Variants in TENM1 observed in about 807,000 individuals in gnomAD.
The protein encoded by TENM1 is teneurin-1.
TENM1 carries 35 observed loss-of-function variants against 174.8 expected under a neutral mutation model. The observed-to-expected ratio is 0.20, with a 90% CI of 0.15 to 0.27. The LOEUF (loss-of-function observed/expected upper bound fraction) is 0.27. Among genes scored for constraint, TENM1 ranks in the 10% least tolerant of loss-of-function variants. TENM1 has a pLI of 1.00. For synonymous variants in TENM1, 781 were observed against 798.7 expected, an observed-to-expected ratio of 0.98 and a Z score of 0.37; for missense variants, 1,633 against 2,130.1, an observed-to-expected ratio of 0.77 and a Z score of 4.59.
Position 124,710,140 on chromosome X carries a change from T to G in TENM1, c.777-4889A>C, listed in dbSNP as rs185904245. 7.2e-3 allele frequency among the ~76,000 whole-genome samples: 801 copies of G among 111,203 alleles called. 5 individuals carry two copies. The highest frequency in any genetic ancestry group is 0.025 in the African/African-American group (763 of 30,541). ...ATGTCTGCTTAACTCTCCCAGACTG[T>G]TTTTTTCCCCTTTGACCATTTCATT... On this transcript the variant is annotated intron_variant, in intron 4 of 31. Transcript: ENST00000422452.
chrX:125,193,269 C>T, the TENM1 span, among the ~76,000 whole-genome samples: 2 of 112,450 alleles, frequency 1.8e-5, no homozygotes, highest in African/African-American at 3.2e-5. Flanking sequence ...TGTAATCAAA[C>T]GTGAATCAAA....
At chrX:124,588,276 G>C (rs1396332289) in intron 11 of TENM1, among the ~76,000 whole-genome samples, 1 of 111,220 alleles carries the variant, frequency 9.0e-6, no homozygotes, top group Non-Finnish European at 1.9e-5. Flanking sequence ...CAATAGCAAA[G>C]ACTTGGAACC....
chrX:124,770,274 C>T (rs948695355), intron 3 of TENM1, among the ~76,000 whole-genome samples: 7 of 111,619 alleles, frequency 6.3e-5, no homozygotes, highest in Admixed American at 9.6e-5. Flanking sequence ...TTCTCCTCCA[C>T]CCCCTGTAAC....
At chrX:124,602,266 T>C (rs2050046357) in intron 11 of TENM1, among the ~76,000 whole-genome samples, 1 of 111,110 alleles carries the variant, frequency 9.0e-6, no homozygotes, top group African/African-American at 3.3e-5. Flanking sequence ...CTACGTGAGC[T>C]GCTTAAATGT....
At chrX:125,077,409 T>A in the TENM1 span, among the ~76,000 whole-genome samples, 1 of 111,380 alleles carries the variant, frequency 9.0e-6, no homozygotes, top group African/African-American at 3.3e-5. Context: ...AGATTTTTTA[T>A]ATGAATGTAA....
chrX:125,163,279 G>A, the TENM1 span, among the ~76,000 whole-genome samples: 1 of 110,575 alleles, frequency 9.0e-6, no homozygotes, highest in Admixed American at 9.8e-5. Flanking sequence ...TAGGATCAGT[G>A]TGATTAGCTG....
chrX:124,384,669 T>C (rs1363388085), exon 30 of TENM1: 1 of 1,210,670 alleles, frequency 8.3e-7, no homozygotes, highest in Admixed American at 2.2e-5. Flanking sequence ...TTAATTACAC[T>C]GAATTTTCCA....
At chrX:124,931,258 CA>C (rs548457755) in intron 1 of TENM1, among the ~76,000 whole-genome samples, 988 of 73,862 alleles carry the variant, frequency 0.013, 4 homozygotes, top group African/African-American at 0.028. Context: ...AACACAAAAG[CA>C]AAAAAAAAAA....
intron 3 of TENM1, among the ~76,000 whole-genome samples, chrX:124,861,161 T>G (rs2056904528): frequency 8.9e-6 from 1 of 112,043 alleles, no homozygotes; most frequent in African/African-American, 3.2e-5. Flanking sequence ...TTAAAATAAT[T>G]TATGTATTGA....
the TENM1 span, among the ~76,000 whole-genome samples, chrX:125,033,988 A>T: frequency 6.3e-5 from 7 of 111,755 alleles, no homozygotes; most frequent in Admixed American, 9.5e-5. Flanking sequence ...AGGCAACATA[A>T]CCTTTTTGCA....
intron 14 of TENM1, among the ~76,000 whole-genome samples, chrX:124,551,342 G>C (rs748084598): frequency 1.8e-5 from 2 of 111,309 alleles, no homozygotes; most frequent in Non-Finnish European, 3.8e-5. Context: ...GTAGACAACC[G>C]CATGGTGGTT....
At chrX:125,202,843 A>T in the TENM1 span, among the ~76,000 whole-genome samples, 1 of 112,498 alleles carries the variant, frequency 8.9e-6, no homozygotes, top group South Asian at 3.6e-4. Context: ...CTCTAGGCAA[A>T]GCATCCTGAA....
chrX:124,656,329 A>C (rs1485560848), intron 6 of TENM1, among the ~76,000 whole-genome samples: 3 of 112,404 alleles, frequency 2.7e-5, no homozygotes, highest in Non-Finnish European at 5.6e-5. Flanking sequence ...AAAGAAAGGA[A>C]GTTGTGTTGT....
chrX:125,007,424 A>C, the TENM1 span, among the ~76,000 whole-genome samples: 12 of 111,445 alleles, frequency 1.1e-4, no homozygotes, highest in Non-Finnish European at 2.1e-4. Flanking sequence ...TATCTGAAAC[A>C]GACTGGGAGA....
At position 124,472,519 on chromosome X, in the gene TENM1, G is replaced by C. The variant is rs7060541; in HGVS notation, c.3949+9213C>G. ...CCCTGGGCTGAAGTGGCCAAAAATGGAATCAATTGTTCAATTATAAAATAA... is the reference window on the plus strand; with the variant it reads ...CCCTGGGCTGAAGTGGCCAAAAATGCAATCAATTGTTCAATTATAAAATAA... On this transcript the variant is annotated intron_variant, in intron 22 of 31. Coordinates refer to ENST00000422452, the Ensembl canonical transcript of TENM1. 9.1e-3 allele frequency among the ~76,000 whole-genome samples: 991 copies of C among 108,434 alleles called. 10 individuals are homozygous for C. The highest frequency in any genetic ancestry group is 0.031 in the African/African-American group (928 of 29,837). 94.2% of individuals were successfully genotyped at this position (108,434 alleles called of 115,157 possible). A position where few individuals can be genotyped will look rare whatever the true frequency, so the allele number is the denominator to read the frequency against.
the TENM1 span, among the ~76,000 whole-genome samples, chrX:125,184,110 G>C: frequency 8.9e-6 from 1 of 111,813 alleles, no homozygotes; most frequent in Admixed American, 9.5e-5. Context: ...CTTTCTAAAA[G>C]AGGGAAACTA....
chrX:124,588,986 G>T (rs996103403), intron 11 of TENM1, among the ~76,000 whole-genome samples: 1 of 110,893 alleles, frequency 9.0e-6, no homozygotes, highest in African/African-American at 3.3e-5. Context: ...CAGTCCTCAA[G>T]GGGAATGCTT....
chrX:124,798,951 T>G (rs928256018), intron 3 of TENM1, among the ~76,000 whole-genome samples: 89 of 112,017 alleles, frequency 7.9e-4, no homozygotes, highest in African/African-American at 2.7e-3. Flanking sequence ...AGGGAATCCT[T>G]ACCCCATTGC....
At chrX:125,192,534 T>C in the TENM1 span, among the ~76,000 whole-genome samples, 7 of 111,639 alleles carry the variant, frequency 6.3e-5, no homozygotes, top group African/African-American at 2.3e-4. Context: ...TAGAAGGCTG[T>C]TTCAGTATTC....
Sources: gnomAD v4.1 joint callset for allele counts (sites outside exome capture counted in the v4.1 genomes callset) on GRCh38, gnomAD v4.1.1 for gene constraint, MANE v1.5 for transcripts, NCBI Gene and HGNC (gene_info 2026-07-23, HGNC 2026-07-21) for gene names.